RPRD2: variants seen among roughly 807,000 people sequenced by gnomAD.
The protein encoded by RPRD2 is regulation of nuclear pre-mRNA domain-containing protein 2.
In RPRD2, 12 loss-of-function variants were observed where a neutral mutation model predicts 104.4. That is an observed-to-expected ratio of 0.11 (90% confidence interval 0.07 to 0.19). The LOEUF (loss-of-function observed/expected upper bound fraction) is 0.19, where lower values mean the gene tolerates loss of function less well. RPRD2 is among the 10% of genes least tolerant of loss of function. The pLI, the probability that RPRD2 is intolerant of heterozygous loss-of-function variation, is 1.00. For missense variants in RPRD2, 1,543 were observed against 1,790.1 expected (o/e 0.86, Z 2.49); for synonymous variants, 714 against 684.9 (o/e 1.04, Z -0.66).
chr1:150,451,592 G>A (rs1035462130), intron 7 of RPRD2, among the ~76,000 whole-genome samples: 1 of 148,002 alleles, frequency 6.8e-6, no homozygotes, highest in African/African-American at 2.5e-5. Flanking sequence ...GGAGAATGGC[G>A]TGAACCTGGG....
rs1553894547 is a variant in RPRD2 at position 150,441,922 on chromosome 1, A to T, written c.478A>T (p.Asn160Tyr). 1 of 1,613,168 alleles carries T rather than the reference A, an allele frequency of 6.2e-7. No homozygotes were observed. The highest frequency in any genetic ancestry group is 1.3e-5 in the African/African-American group (1 of 75,042). Residue 160 changes from asparagine (N) to tyrosine (Y), a missense_variant, in exon 4 of 11, where the codon AAC becomes TAC. By Grantham distance (143) the Asn-to-Tyr change is moderately radical. Transcript: ENST00000369068. ...TCAGAAGCAGCTGAAAGAAAATCTGAACAAACAACCGAATAAGCAGTGGAA... is the reference window on the plus strand; with the variant it reads ...TCAGAAGCAGCTGAAAGAAAATCTGTACAAACAACCGAATAAGCAGTGGAA... Reference protein sequence around the residue: ...KTQKQLKENLNKQPNKQWKKS... With the variant: ...KTQKQLKENLYKQPNKQWKKS...
At chr1:150,403,786 C>T (rs1174138219) in intron 1 of RPRD2, among the ~76,000 whole-genome samples, 2 of 151,842 alleles carry the variant, frequency 1.3e-5, no homozygotes, top group African/African-American at 4.8e-5. Flanking sequence ...GTAGCTGGCA[C>T]TACTGGTGTG....
chr1:150,397,061 C>T (rs986583546), intron 1 of RPRD2, among the ~76,000 whole-genome samples: 7 of 152,098 alleles, frequency 4.6e-5, no homozygotes, highest in Admixed American at 1.3e-4. Context: ...GCAGCCTCTG[C>T]CTCCCAGATT....
At chr1:150,459,555 G>A (rs1430948538) in intron 8 of RPRD2, among the ~76,000 whole-genome samples, 2 of 148,810 alleles carry the variant, frequency 1.3e-5, no homozygotes, top group African/African-American at 4.9e-5. Flanking sequence ...AGGAATCATT[G>A]AAAAGTAAGA....
intron 1 of RPRD2, among the ~76,000 whole-genome samples, chr1:150,394,909 G>A (rs1221737876): frequency 4.6e-5 from 7 of 152,096 alleles, no homozygotes; most frequent in Admixed American, 3.9e-4. Flanking sequence ...TAGGATAAAG[G>A]CAAATACAAA....
At chr1:150,433,962 T>C (rs1572467785) in intron 2 of RPRD2, among the ~76,000 whole-genome samples, 2 of 151,990 alleles carry the variant, frequency 1.3e-5, no homozygotes, top group Non-Finnish European at 2.9e-5. Context: ...ATTTGTTTTT[T>C]AACCAAGAAG....
chr1:150,385,423 A>G (rs782106123), intron 1 of RPRD2, among the ~76,000 whole-genome samples: 30 of 152,072 alleles, frequency 2.0e-4, no homozygotes, highest in Non-Finnish European at 3.1e-4. Context: ...GCAGTGAGCC[A>G]TGATTGTGCC....
chr1:150,433,660 G>A (rs587673253), intron 2 of RPRD2, among the ~76,000 whole-genome samples: 9 of 148,446 alleles, frequency 6.1e-5, no homozygotes, highest in East Asian at 2.0e-4. Flanking sequence ...TAGCCAGGAT[G>A]GTCTCAATCT....
At chr1:150,375,316 T>C (rs1264963334) in intron 1 of RPRD2, among the ~76,000 whole-genome samples, 1 of 152,202 alleles carries the variant, frequency 6.6e-6, no homozygotes, top group Non-Finnish European at 1.5e-5. Flanking sequence ...GAGTAAATTT[T>C]GTAGCAAATA....
In RPRD2 at chr1:150,475,003, T is replaced by G. The variant is rs587664082; in HGVS notation, c.*1669T>G. 2 of 152,106 alleles carry G rather than the reference T, an allele frequency of 1.3e-5. No homozygotes were observed. The highest frequency in any genetic ancestry group is 2.9e-5 in the Non-Finnish European group (2 of 68,030). 9.4% of individuals were successfully genotyped at this position (152,106 alleles called of 1,614,324 possible). A position where few individuals can be genotyped will look rare whatever the true frequency, so the allele number is the denominator to read the frequency against. The stretch of plus-strand genomic sequence containing the variant: ...AGTTTTTGCGTAATTTATTCTGTTA[T>G]TTATTTGGGCTCGCCATGTGTTCTG... On this transcript the variant is annotated 3_prime_UTR_variant, in exon 11 of 11. Coordinates refer to ENST00000369068, the MANE Select transcript of RPRD2 (RefSeq NM_015203.5).
intron 2 of RPRD2, among the ~76,000 whole-genome samples, chr1:150,422,478 G>C (rs587685956): frequency 6.6e-6 from 1 of 151,774 alleles, no homozygotes; most frequent in Admixed American, 6.6e-5. Flanking sequence ...TAATTCAAGG[G>C]GGGCAAATGT....
At chr1:150,393,704 A>G (rs1283423382) in intron 1 of RPRD2, among the ~76,000 whole-genome samples, 2 of 152,142 alleles carry the variant, frequency 1.3e-5, no homozygotes, top group South Asian at 2.1e-4. Context: ...TGGGTGGTAT[A>G]CAATGCCAAC....
In RPRD2 at chr1:150,457,415, G is replaced by A. The variant is rs1553897824; in HGVS notation, c.998G>A (p.Gly333Asp). 6.2e-7 allele frequency: 1 copy of A among 1,613,842 alleles called. No homozygotes were observed. The highest frequency in any genetic ancestry group is 8.5e-7 in the Non-Finnish European group (1 of 1,179,890). ...AGCATGGACGCTCCCTCCCCGACTG[G>A]TTCTGAGTCTCCTTTTCAGGGAATG... ...SPSMDAPSPT[G>D]SESPFQGMGG... Residue 333 changes from glycine to aspartate, a missense_variant, in exon 8 of 11, where the codon GGT becomes GAT. Coordinates refer to ENST00000369068, the MANE Select transcript of RPRD2 (RefSeq NM_015203.5).
At chr1:150,391,730 A>G (rs1553883172) in intron 1 of RPRD2, among the ~76,000 whole-genome samples, 1 of 152,196 alleles carries the variant, frequency 6.6e-6, no homozygotes, top group African/African-American at 2.4e-5. Context: ...CAACATGGCG[A>G]AACACTGTCT....
chr1:150,421,511 A>C (rs1373672179), intron 2 of RPRD2, among the ~76,000 whole-genome samples: 4 of 152,172 alleles, frequency 2.6e-5, no homozygotes, highest in African/African-American at 9.6e-5. Context: ...ATAAATATCC[A>C]AGGTAATTTT....
At chr1:150,400,958 C>T (rs587695420) in intron 1 of RPRD2, among the ~76,000 whole-genome samples, 162 of 151,742 alleles carry the variant, frequency 1.1e-3, no homozygotes, top group African/African-American at 3.6e-3. Context: ...GGGTGGATCA[C>T]GAGGTCAGGA....
At chr1:150,422,583 T>G (rs1664846263) in intron 2 of RPRD2, among the ~76,000 whole-genome samples, 1 of 152,098 alleles carries the variant, frequency 6.6e-6, no homozygotes, top group Non-Finnish European at 1.5e-5. Flanking sequence ...AGTCCTAGGC[T>G]GATGGCCATG....
chr1:150,457,891 T>C (rs1026007728), intron 8 of RPRD2, among the ~76,000 whole-genome samples: 1 of 152,016 alleles, frequency 6.6e-6, no homozygotes, highest in Admixed American at 6.6e-5. Flanking sequence ...GCCAACATGG[T>C]GTAACCCTGT....
In RPRD2 at chr1:150,441,079, A is replaced by C. The variant is rs781977408; in HGVS notation, c.436+56A>C. 9.8e-6 allele frequency: 8 copies of C among 815,326 alleles called. 1 individual carries two copies. In the East Asian group the frequency reaches 2.2e-4, roughly 22 times the overall value. The allele number at this position is 815,326 out of a possible 1,614,324, so 50.5% of individuals were successfully genotyped here. Reference sequence around the variant, plus strand: ...TTTTTGAGTCAGTCTTTACAATTACATAATTTTATAGATCTGGTCATGTTG... The same window carrying C: ...TTTTTGAGTCAGTCTTTACAATTACCTAATTTTATAGATCTGGTCATGTTG... On this transcript the variant is annotated intron_variant, in intron 3 of 10. Transcript: ENST00000369068.
Sources: gnomAD v4.1 joint callset for allele counts (sites outside exome capture counted in the v4.1 genomes callset) on GRCh38, gnomAD v4.1.1 for gene constraint, MANE v1.5 for transcripts, NCBI Gene and HGNC (gene_info 2026-07-23, HGNC 2026-07-21) for gene names.